The following DPF3 variants were observed in gnomAD, a reference collection of about 807,000 sequenced individuals.
DPF3 encodes the protein double PHD fingers 3, also known as zinc finger protein DPF3.
In DPF3, 18 loss-of-function variants were observed where a neutral mutation model predicts 56.8. The ratio of observed to expected loss-of-function variants is 0.32; its 90% CI spans 0.22 to 0.47. The LOEUF is 0.47. Ranked by LOEUF, DPF3 falls within the 20% of genes least tolerant of loss-of-function variation. DPF3 has a pLI of 1.00. For missense variants in DPF3, 403 were observed against 488.8 expected (o/e 0.82, Z 1.65); for synonymous variants, 188 against 180.2 (o/e 1.04, Z -0.35).
intron 9 of DPF3, among the ~76,000 whole-genome samples, chr14:72,627,664 C>T (rs1320522816): frequency 6.6e-6 from 1 of 151,922 alleles, no homozygotes; most frequent in African/African-American, 2.4e-5. Flanking sequence ...ACTTAAGTAT[C>T]GATTTGTCTA....
Position 72,612,622 on chromosome 14 carries a change from G to T in DPF3, c.*6675C>A, listed in dbSNP as rs760796825. On this transcript the variant is annotated 3_prime_UTR_variant, in exon 11 of 11. Transcript: ENST00000556509. ...AAGGGAGAGGGCAGGAGGAGAATCA[G>T]GGTCTCAGTGGGGAGTAGACATGGA... 1 of 518,904 alleles carries T rather than the reference G, an allele frequency of 1.9e-6. No individual in the cohort carries two copies. Among genetic ancestry groups the T allele is most frequent in the South Asian group, 1.4e-5 (1 of 71,580 alleles). 32.1% of individuals were successfully genotyped at this position (518,904 alleles called of 1,614,324 possible). A position where few individuals can be genotyped will look rare whatever the true frequency, so the allele number is the denominator to read the frequency against.
intron 1 of DPF3, among the ~76,000 whole-genome samples, chr14:72,864,799 GT>G (rs1394448896): frequency 6.6e-6 from 1 of 152,238 alleles, no homozygotes; most frequent in African/African-American, 2.4e-5. Context: ...GCCTGATGGG[GT>G]AGAAGCACTG....
intron 1 of DPF3, among the ~76,000 whole-genome samples, chr14:72,884,955 T>TATATATATATATATATATATATAC (rs1886472631): frequency 2.1e-5 from 2 of 95,574 alleles, no homozygotes; most frequent in African/African-American, 6.7e-5. Context: ...TATATATATA[T>TATATATATATATATATATATATAC]ATATATATAT....
At chr14:72,828,429 T>C (rs568318356) in intron 1 of DPF3, among the ~76,000 whole-genome samples, 2 of 149,690 alleles carry the variant, frequency 1.3e-5, no homozygotes, top group South Asian at 4.2e-4. Flanking sequence ...TCTCAACACT[T>C]TGGGAGGCCA....
intron 8 of DPF3, among the ~76,000 whole-genome samples, chr14:72,642,591 G>A (rs187906339): frequency 2.0e-5 from 3 of 152,216 alleles, no homozygotes; most frequent in Non-Finnish European, 2.9e-5. Context: ...AGCAAGGTGA[G>A]TGCATCTGCC....
At chr14:72,869,055 A>T (rs879657235) in intron 1 of DPF3, among the ~76,000 whole-genome samples, 2 of 151,916 alleles carry the variant, frequency 1.3e-5, no homozygotes, top group Non-Finnish European at 2.9e-5. Context: ...CTCTCTTACC[A>T]TCTCATCCCT....
chr14:72,620,277 G>A (rs1884349613), intron 9 of DPF3, among the ~76,000 whole-genome samples: 1 of 152,122 alleles, frequency 6.6e-6, no homozygotes, highest in Non-Finnish European at 1.5e-5. Context: ...CAAATTTAAA[G>A]GGATCCCTTA....
At chr14:72,862,128 C>T (rs6574101) in intron 1 of DPF3, among the ~76,000 whole-genome samples, 44,629 of 151,992 alleles carry the variant, frequency 0.29, 6,772 homozygotes, top group East Asian at 0.49. Flanking sequence ...TGGCACACGA[C>T]CTGAGTTAGT....
intron 4 of DPF3, among the ~76,000 whole-genome samples, chr14:72,725,119 T>C (rs1889346657): frequency 1.3e-5 from 2 of 152,162 alleles, no homozygotes; most frequent in South Asian, 4.1e-4. Flanking sequence ...ATTCATTCCA[T>C]CTACAAACAT....
chr14:72,648,864 C>A (rs1885810054), intron 8 of DPF3, among the ~76,000 whole-genome samples: 1 of 152,062 alleles, frequency 6.6e-6, no homozygotes, highest in Non-Finnish European at 1.5e-5. Context: ...CCTTCCTGAC[C>A]AAGCATCCCC....
At chr14:72,778,106 C>T (rs552478073) in intron 1 of DPF3, among the ~76,000 whole-genome samples, 1 of 152,214 alleles carries the variant, frequency 6.6e-6, no homozygotes, top group South Asian at 2.1e-4. Flanking sequence ...AGGACTCTTA[C>T]CTGGAATCTG....
intron 7 of DPF3, among the ~76,000 whole-genome samples, chr14:72,683,584 G>A (rs1887264205): frequency 6.6e-6 from 1 of 152,120 alleles, no homozygotes; most frequent in Non-Finnish European, 1.5e-5. Flanking sequence ...GGCATATGGA[G>A]GCTATGCAGC....
At chr14:72,690,634 C>T (rs563324978) in intron 7 of DPF3, among the ~76,000 whole-genome samples, 2 of 151,918 alleles carry the variant, frequency 1.3e-5, no homozygotes, top group Non-Finnish European at 2.9e-5. Context: ...CACACATACA[C>T]GCACACACAC....
At chr14:72,763,052 G>T (rs549790992) in intron 2 of DPF3, among the ~76,000 whole-genome samples, 1 of 151,938 alleles carries the variant, frequency 6.6e-6, no homozygotes, top group Admixed American at 6.5e-5. Context: ...TGACAAAAAT[G>T]TTAAAGATCT....
chr14:72,709,150 G>C (rs553289527), intron 6 of DPF3, among the ~76,000 whole-genome samples: 2 of 152,230 alleles, frequency 1.3e-5, no homozygotes, highest in Admixed American at 1.3e-4. Flanking sequence ...CACACTCCCC[G>C]ACTGGGTTTC....
chr14:72,635,486 A>T (rs980327195), intron 8 of DPF3, among the ~76,000 whole-genome samples: 5 of 152,256 alleles, frequency 3.3e-5, no homozygotes, highest in South Asian at 2.1e-4. Context: ...ATAAATATCC[A>T]GGCAAAACTA....
At chr14:72,669,386 G>T (rs1886573765) in intron 8 of DPF3, among the ~76,000 whole-genome samples, 1 of 152,206 alleles carries the variant, frequency 6.6e-6, no homozygotes, top group South Asian at 2.1e-4. Context: ...GGAGGCAAGA[G>T]ACCCTGGCCA....
chr14:72,788,425 A>T (rs1325814232), intron 1 of DPF3, among the ~76,000 whole-genome samples: 1 of 151,988 alleles, frequency 6.6e-6, no homozygotes, highest in Non-Finnish European at 1.5e-5. Context: ...GAAGAGGAGG[A>T]GGAGGAGGAG....
chr14:72,797,455 A>C (rs201566769), intron 1 of DPF3, among the ~76,000 whole-genome samples: 4 of 152,236 alleles, frequency 2.6e-5, no homozygotes, highest in Non-Finnish European at 4.4e-5. Context: ...TTATATCTTC[A>C]ACAGCCAATA....
Sources: gnomAD v4.1 joint callset for allele counts (sites outside exome capture counted in the v4.1 genomes callset) on GRCh38, gnomAD v4.1.1 for gene constraint, MANE v1.5 for transcripts, NCBI Gene and HGNC (gene_info 2026-07-23, HGNC 2026-07-21) for gene names.